The following UGT1A7 variants were observed in gnomAD, a reference collection of about 807,000 sequenced individuals.
UGT1A7 encodes UDP-glucuronosyltransferase 1A7.
A neutral mutation model predicts 45.6 loss-of-function variants in UGT1A7; 33 were observed. The observed-to-expected ratio is 0.72, with a 90% CI of 0.55 to 0.97. The LOEUF (loss-of-function observed/expected upper bound fraction) is 0.97. Ranked by LOEUF, UGT1A7 falls within the 50% of genes least tolerant of loss-of-function variation. UGT1A7 has a pLI of 0.00. For synonymous variants in UGT1A7, 274 were observed against 250.6 expected, an observed-to-expected ratio of 1.09 and a Z score of -0.88; for missense variants, 684 against 666.2, an observed-to-expected ratio of 1.03 and a Z score of -0.29.
rs1421246171 is a variant in UGT1A7, at chr2:233,747,288, G to T, written c.856-19746G>T. ...TACTCCTTCTCAGTGCCCAGCCCTG[G>T]GCTGAGAGTGGGAAGGTGCTGGTGG... On this transcript the variant is annotated intron_variant, in intron 1 of 4. Transcript: ENST00000373426. 3 of 1,601,214 alleles carry T rather than the reference G, an allele frequency of 1.9e-6. No homozygotes were observed. The African/African-American group carries it at 4.0e-5, about 22-fold the overall frequency.
chr2:233,770,138 C>T (rs1700024160), intron 4 of UGT1A7: 1 of 152,234 alleles, frequency 6.6e-6, no homozygotes. Context: ...TCCTCTAATA[C>T]ATTATTTTTT....
At chr2:233,743,996 C>T (rs76063448) in intron 1 of UGT1A7, 37,130 of 1,239,474 alleles carry the variant, frequency 0.03, 683 homozygotes, top group African/African-American at 0.05. Context: ...GGCCCGAGTG[C>T]TCGGAGACCT....
intron 1 of UGT1A7, among the ~76,000 whole-genome samples, chr2:233,730,236 G>A (rs544044923): frequency 9.9e-4 from 150 of 152,270 alleles, no homozygotes; most frequent in African/African-American, 3.5e-3. Context: ...GGATGGACAA[G>A]GACTGGTGTG....
intron 1 of UGT1A7, among the ~76,000 whole-genome samples, chr2:233,700,438 A>G (rs1275307024): frequency 2.0e-5 from 3 of 152,248 alleles, no homozygotes; most frequent in Admixed American, 6.5e-5. Flanking sequence ...TCTAAAGAGT[A>G]GCTGAATGCT....
At chr2:233,692,850 T>A in intron 1 of UGT1A7, 1 of 1,458,738 alleles carries the variant, frequency 6.9e-7, no homozygotes, top group South Asian at 1.5e-5. Context: ...AATATTAATT[T>A]GGGTTCTTAC....
chr2:233,731,619 C>CT (rs1415396682), intron 1 of UGT1A7, among the ~76,000 whole-genome samples: 1 of 152,134 alleles, frequency 6.6e-6, no homozygotes, highest in Non-Finnish European at 1.5e-5. Context: ...TGAACTCATC[C>CT]TTTTTTATGG....
At position 233,767,184 on chromosome 2, in the gene UGT1A7, A is replaced by T. The variant is rs1373599662; in HGVS notation, c.987+19A>T. 3.7e-6 allele frequency: 6 copies of T among 1,613,882 alleles called. No individual in the cohort carries two copies. Among genetic ancestry groups the T allele is most frequent in the Non-Finnish European group, 5.1e-6 (6 of 1,179,970 alleles). ...TCAGACAGTAAGAAGATTCTATACCATGGCCTCATATCTATTTTCACAGGA... is the reference window on the plus strand; with the variant it reads ...TCAGACAGTAAGAAGATTCTATACCTTGGCCTCATATCTATTTTCACAGGA... On this transcript the variant is annotated intron_variant, in intron 2 of 4. Coordinates refer to ENST00000373426, the MANE Select transcript of UGT1A7 (RefSeq NM_019077.3).
intron 1 of UGT1A7, among the ~76,000 whole-genome samples, chr2:233,728,608 G>A (rs535590480): frequency 1.3e-5 from 2 of 152,290 alleles, no homozygotes; most frequent in South Asian, 4.2e-4. Context: ...CAGCCTCCAC[G>A]CTGTTCAGAG....
chr2:233,713,140 A>G (rs759679762), intron 1 of UGT1A7: 1 of 1,614,108 alleles, frequency 6.2e-7, no homozygotes, highest in South Asian at 1.1e-5. Context: ...GCCTTGCGGG[A>G]CCTCCATGCG....
intron 1 of UGT1A7, among the ~76,000 whole-genome samples, chr2:233,741,256 C>A (rs1347287188): frequency 6.6e-6 from 1 of 151,868 alleles, no homozygotes; most frequent in African/African-American, 2.4e-5. Flanking sequence ...GTATGCCACT[C>A]TTTGCTGACC....
chr2:233,762,256 A>G lies in UGT1A7; in HGVS notation c.856-4778A>G, dbSNP rs529163977. Among the ~76,000 whole-genome samples, 14 of 152,334 alleles carry G rather than the reference A, an allele frequency of 9.2e-5. No homozygotes were observed. In the South Asian group the frequency reaches 1.5e-3, roughly 16 times the overall value. On this transcript the variant is annotated intron_variant, in intron 1 of 4. Coordinates refer to ENST00000373426, the MANE Select transcript of UGT1A7 (RefSeq NM_019077.3). ...AAGGCACAGAATAGGCACCCACCGA[A>G]TATGTGTTACATTAATGAATGAGAA...
intron 1 of UGT1A7, among the ~76,000 whole-genome samples, chr2:233,694,759 A>G (rs2075239293): frequency 1.3e-5 from 2 of 152,178 alleles, no homozygotes; most frequent in African/African-American, 4.8e-5. Context: ...AGCCACTGTG[A>G]AAAGGCAAGG....
intron 1 of UGT1A7, chr2:233,729,594 C>G (rs1443112600): frequency 1.2e-6 from 2 of 1,613,988 alleles, no homozygotes; most frequent in African/African-American, 2.7e-5. Flanking sequence ...CCGTTAACCT[C>G]TGCGCGGCAG....
chr2:233,749,231 T>A (rs10178992), intron 1 of UGT1A7, among the ~76,000 whole-genome samples: 55,848 of 151,690 alleles, frequency 0.37, 10,811 homozygotes, highest in African/African-American at 0.42. Context: ...CTTCATTTTT[T>A]AAAATCAAAC....
At chr2:233,714,597 G>T (rs1437525626) in intron 1 of UGT1A7, among the ~76,000 whole-genome samples, 2 of 152,186 alleles carry the variant, frequency 1.3e-5, no homozygotes, top group Admixed American at 6.5e-5. Context: ...TTTCTAGTGG[G>T]CATGTTAAAC....
At chr2:233,694,252 G>A (rs1223545942) in intron 1 of UGT1A7, among the ~76,000 whole-genome samples, 1 of 151,942 alleles carries the variant, frequency 6.6e-6, no homozygotes, top group African/African-American at 2.4e-5. Context: ...CTTGAGCCAG[G>A]GACCAGCGAA....
intron 1 of UGT1A7, among the ~76,000 whole-genome samples, chr2:233,709,616 G>A (rs2125616284): frequency 6.6e-6 from 1 of 152,262 alleles, no homozygotes; most frequent in Non-Finnish European, 1.5e-5. Context: ...TTAAATATAG[G>A]TGTTTTGCTG....
intron 1 of UGT1A7, chr2:233,761,121 C>T (rs1672783934): frequency 6.2e-7 from 1 of 1,614,054 alleles, no homozygotes; most frequent in South Asian, 1.1e-5. Context: ...TTGGTGGAAT[C>T]AACTGCCTTC....
intron 1 of UGT1A7, among the ~76,000 whole-genome samples, chr2:233,706,280 G>A (rs2075901019): frequency 6.6e-6 from 1 of 152,024 alleles, no homozygotes; most frequent in Non-Finnish European, 1.5e-5. Context: ...CCTCAGGGGT[G>A]GGGCCCAGTG....
Sources: allele counts gnomAD v4.1 joint callset (sites outside exome capture counted in the v4.1 genomes callset), GRCh38; gene constraint gnomAD v4.1.1; transcripts MANE v1.5; gene names NCBI Gene and HGNC (gene_info 2026-07-23, HGNC 2026-07-21).